The following CSMD3 variants were observed in gnomAD, a reference collection of about 807,000 sequenced individuals.
CSMD3 encodes the protein CUB and Sushi multiple domains 3, also known as CUB and sushi domain-containing protein 3.
A neutral mutation model predicts 435.2 loss-of-function variants in CSMD3; 177 were observed. The ratio of observed to expected loss-of-function variants is 0.41; its 90% confidence interval spans 0.36 to 0.46. CSMD3 has a LOEUF of 0.46. Among genes scored for constraint, CSMD3 ranks in the 20% least tolerant of loss-of-function variants. The pLI, the probability that CSMD3 is intolerant of heterozygous loss-of-function variation, is 0.34. For missense variants in CSMD3, 4,265 were observed against 4,504.6 expected, an observed-to-expected ratio of 0.95 and a Z score of 1.52; for synonymous variants, 1,656 against 1,520.5, an observed-to-expected ratio of 1.09 and a Z score of -2.07.
At chr8:113,088,825 C>T (rs1460462233) in intron 5 of CSMD3, among the ~76,000 whole-genome samples, 3 of 151,680 alleles carry the variant, frequency 2.0e-5, no homozygotes, top group Admixed American at 6.6e-5. Context: ...CTAACCTGCA[C>T]ACTGTGCACA....
chr8:112,761,520 A>G (rs1406906635), intron 13 of CSMD3, among the ~76,000 whole-genome samples: 1 of 152,010 alleles, frequency 6.6e-6, no homozygotes, highest in South Asian at 2.1e-4. Context: ...CCCCTCTTCT[A>G]TTTTCCTAGT....
intron 68 of CSMD3, among the ~76,000 whole-genome samples, chr8:112,232,389 C>T (rs1172868046): frequency 3.3e-5 from 5 of 152,158 alleles, no homozygotes; most frequent in Non-Finnish European, 5.9e-5. Context: ...GGGCAAATCA[C>T]TTGAGGTCAG....
At chr8:112,679,089 T>TC (rs199551142) in intron 16 of CSMD3, among the ~76,000 whole-genome samples, 1 of 70,152 alleles carries the variant, frequency 1.4e-5, no homozygotes, top group African/African-American at 8.8e-5. Context: ...GGGCAGGTTT[T>TC]TTTTTTTTTT....
chr8:113,096,939 CTT>C (rs1424940943), intron 5 of CSMD3, among the ~76,000 whole-genome samples: 2 of 152,072 alleles, frequency 1.3e-5, no homozygotes, highest in East Asian at 3.9e-4. Flanking sequence ...CACATCTTTT[CTT>C]TCTTATCACT....
intron 1 of CSMD3, among the ~76,000 whole-genome samples, chr8:113,410,506 T>TC (rs2094553296): frequency 6.6e-6 from 1 of 152,138 alleles, no homozygotes; most frequent in African/African-American, 2.4e-5. Context: ...TACAGTGAAC[T>TC]CCCATGGTTC....
chr8:112,706,490 G>T lies in CSMD3; in HGVS notation c.1973-16440C>A, dbSNP rs565939219. Reference sequence around the variant, plus strand: ...AACTAAGATTTGAAAGATTTGCATGGATGTGTGTGTATTGGGGGTGATGTA... The same window carrying T: ...AACTAAGATTTGAAAGATTTGCATGTATGTGTGTGTATTGGGGGTGATGTA... On this transcript the variant is annotated intron_variant, in intron 13 of 70. Coordinates refer to ENST00000297405, the MANE Select transcript of CSMD3 (RefSeq NM_198123.2). 4.6e-5 allele frequency among the ~76,000 whole-genome samples: 7 copies of T among 152,218 alleles called. No homozygotes were observed. In the South Asian group the frequency reaches 1.5e-3, roughly 32 times the overall value.
intron 10 of CSMD3, among the ~76,000 whole-genome samples, chr8:112,898,191 G>T (rs1238489805): frequency 6.6e-6 from 1 of 151,112 alleles, no homozygotes; most frequent in Non-Finnish European, 1.5e-5. Context: ...AAGTATTAAG[G>T]ATACTAGTCA....
At chr8:112,365,566 A>C (rs1389472191) in intron 38 of CSMD3, among the ~76,000 whole-genome samples, 1 of 151,272 alleles carries the variant, frequency 6.6e-6, no homozygotes, top group Non-Finnish European at 1.5e-5. Context: ...GAAGGATAAA[A>C]TACTAGTTTG....
At chr8:112,494,494 CCTT>C (rs1821062962) in intron 30 of CSMD3, among the ~76,000 whole-genome samples, 1 of 40,174 alleles carries the variant, frequency 2.5e-5, no homozygotes, top group African/African-American at 8.8e-5. Context: ...TTCTTTCTCT[CCTT>C]TCTTTCTTTC....
chr8:113,041,995 T>C (rs2087639798), intron 5 of CSMD3, among the ~76,000 whole-genome samples: 2 of 152,230 alleles, frequency 1.3e-5, no homozygotes, highest in South Asian at 2.1e-4. Context: ...ATCTAAACTA[T>C]GTTCTAAAAC....
At chr8:112,695,680 G>T (rs1300300345) in intron 13 of CSMD3, among the ~76,000 whole-genome samples, 4 of 152,148 alleles carry the variant, frequency 2.6e-5, no homozygotes, top group African/African-American at 9.7e-5. Context: ...ACAAGACAGG[G>T]ATGCCCTCTC....
chr8:112,656,035 G>A, intron 18 of CSMD3, 119 bp downstream of exon 18: 1 of 636,508 alleles, frequency 1.6e-6, no homozygotes, highest in South Asian at 2.0e-5. Flanking sequence ...CATTCTTATA[G>A]ATGAAGGAAA....
chr8:113,302,303 T>TTAC (rs397791765), intron 2 of CSMD3, among the ~76,000 whole-genome samples: 32 of 105,976 alleles, frequency 3.0e-4, no homozygotes, highest in African/African-American at 1.0e-3. Flanking sequence ...TAATATAATA[T>TTAC]ATATATTATA....
At chr8:112,368,990 C>A (rs991446534) in intron 38 of CSMD3, among the ~76,000 whole-genome samples, 7 of 151,976 alleles carry the variant, frequency 4.6e-5, no homozygotes, top group East Asian at 1.9e-4. Flanking sequence ...TGTTGTATAA[C>A]CTTCTTTATT....
At chr8:112,241,841 TGCGCACACACACACAC>T in intron 65 of CSMD3, 56 bp from the exon 66 acceptor site, 2 of 798,958 alleles carry the variant, frequency 2.5e-6, no homozygotes, top group Non-Finnish European at 4.2e-6. Flanking sequence ...TACATACACA[TGCGCACACACACACAC>T]GCACACACAC....
intron 40 of CSMD3, among the ~76,000 whole-genome samples, chr8:112,347,143 G>A (rs1041361426): frequency 6.6e-6 from 1 of 152,066 alleles, no homozygotes; most frequent in African/African-American, 2.4e-5. Flanking sequence ...AAATGTGCTT[G>A]TCTTGGAATC....
At chr8:112,506,644 C>T (rs552209708) in intron 29 of CSMD3, 47 bp downstream of exon 29, 2 of 1,594,266 alleles carry the variant, frequency 1.3e-6, no homozygotes, top group Non-Finnish European at 1.7e-6. Flanking sequence ...GCAAAATGGC[C>T]TAACAATATA....
chr8:113,076,795 G>A (rs1178480732), intron 5 of CSMD3, among the ~76,000 whole-genome samples: 1 of 152,078 alleles, frequency 6.6e-6, no homozygotes, highest in Non-Finnish European at 1.5e-5. Flanking sequence ...ATATTTTATT[G>A]TATGGTAAAG....
chr8:112,630,934 A>G (rs1341558207), intron 22 of CSMD3, among the ~76,000 whole-genome samples: 1 of 134,852 alleles, frequency 7.4e-6, no homozygotes, highest in Non-Finnish European at 1.6e-5. Flanking sequence ...AACAAACTAC[A>G]TCAGTATTCA....
Sources: gnomAD v4.1 joint callset for allele counts (sites outside exome capture counted in the v4.1 genomes callset) on GRCh38, gnomAD v4.1.1 for gene constraint, MANE v1.5 for transcripts, NCBI Gene and HGNC (gene_info 2026-07-23, HGNC 2026-07-21) for gene names.